The following MGAT1 variants were observed in gnomAD, a reference collection of about 807,000 sequenced individuals.
The protein encoded by MGAT1 is alpha-1,3-mannosyl-glycoprotein 2-beta-N-acetylglucosaminyltransferase.
MGAT1 carries 14 observed loss-of-function variants against 31.7 expected under a neutral mutation model. That is an observed-to-expected ratio of 0.44 (90% CI 0.29 to 0.69). The LOEUF is 0.69. Among genes scored for constraint, MGAT1 ranks in the 30% least tolerant of loss-of-function variants. The pLI, the probability that MGAT1 is intolerant of heterozygous loss-of-function variation, is 0.12. For missense variants in MGAT1, 557 were observed against 626.0 expected (o/e 0.89, Z 1.18); for synonymous variants, 338 against 276.0 (o/e 1.22, Z -2.23).
intron 1 of MGAT1, among the ~76,000 whole-genome samples, chr5:180,799,854 T>C (rs1254168755): frequency 6.6e-6 from 1 of 152,166 alleles, no homozygotes; most frequent in Non-Finnish European, 1.5e-5. Context: ...TTCCACCTGG[T>C]CCTCTTAAGA....
Position 180,814,920 on chromosome 5 carries a change from G to GACAGAGTGAGACTCTGTCTCAA in MGAT1, c.-546+472_-546+493dup, listed in dbSNP as rs1264510057. Among the ~76,000 whole-genome samples, 252 of 148,564 alleles carry GACAGAGTGAGACTCTGTCTCAA rather than the reference G, an allele frequency of 1.7e-3. 2 individuals carry two copies. Among genetic ancestry groups the GACAGAGTGAGACTCTGTCTCAA allele is most frequent in the Non-Finnish European group, 3.3e-3 (222 of 67,402 alleles). ...CGCGCCACTGCACTCCAGCCTAGGC[G>GACAGAGTGAGACTCTGTCTCAA]ACAGAGTGAGACTCTGTCTCAAAAA... On this transcript the variant is annotated intron_variant, in intron 1 of 2. Transcript: ENST00000333055.
Position 180,785,661 on chromosome 5 carries a change from C to T in MGAT1, c.*5973G>A, listed in dbSNP as rs1307150237. 5 of 152,520 alleles carry T rather than the reference C, an allele frequency of 3.3e-5. No homozygotes were observed. Among genetic ancestry groups the T allele is most frequent in the Non-Finnish European group, 5.9e-5 (4 of 68,152 alleles). The allele number at this position is 152,520 out of a possible 1,614,324, so 9.4% of individuals were successfully genotyped here. Reference sequence around the variant, plus strand: ...ATCTAGCAGCCACACAGCCCCATTCCGCTGCCAGCGTCCTGCAGGCCCCTC... The same window carrying T: ...ATCTAGCAGCCACACAGCCCCATTCTGCTGCCAGCGTCCTGCAGGCCCCTC... On this transcript the variant is annotated 3_prime_UTR_variant, in exon 2 of 2. Transcript: ENST00000307826.
upstream of MGAT1, among the ~76,000 whole-genome samples, chr5:180,806,328 C>G (rs930098770): frequency 4.6e-5 from 7 of 152,172 alleles, no homozygotes; most frequent in African/African-American, 1.4e-4. Context: ...TATCACTGCT[C>G]CTGGCTAAGT....
At position 180,792,088 on chromosome 5, in the gene MGAT1, G is replaced by A. The variant is rs1448028839; in HGVS notation, c.884C>T (p.Pro295Leu). 2.5e-6 allele frequency: 4 copies of A among 1,612,686 alleles called. No individual in the cohort carries two copies. The highest frequency in any genetic ancestry group is 1.3e-5 in the African/African-American group (1 of 74,950). ...GCAGGCCCGCCCCTGCCGCTGCTCC[G>A]GCCGCCGCATCCAGTCGTCCCAGAA... is the stretch of plus-strand genomic sequence containing the variant. ...KAFWDDWMRR[P>L]EQRQGRACIR... Residue 295 changes from proline (P) to leucine (L), a missense_variant, in exon 2 of 2, where the codon CCG becomes CTG. By Grantham distance (98) the Pro-to-Leu change is moderately conservative. Transcript: ENST00000307826.
chr5:180,812,500 T>C (rs952499559), intron 1 of MGAT1, among the ~76,000 whole-genome samples: 1 of 152,018 alleles, frequency 6.6e-6, no homozygotes, highest in African/African-American at 2.4e-5. Flanking sequence ...CCCACCCTGC[T>C]GAAAGGAACC....
intron 1 of MGAT1, among the ~76,000 whole-genome samples, chr5:180,814,396 C>T (rs1405506235): frequency 1.3e-5 from 2 of 152,206 alleles, no homozygotes; most frequent in African/African-American, 4.8e-5. Flanking sequence ...CTCTTGACTC[C>T]CACGCCAGCA....
In MGAT1 at chr5:180,790,773, T is replaced by A. The variant is rs1767932887; in HGVS notation, c.*861A>T. Reference sequence around the variant, plus strand: ...ACCTGGTCACTGCTCCACCTCATGCTGAGAGGAGCCTGTGTGTCAAACCCC... The same window carrying A: ...ACCTGGTCACTGCTCCACCTCATGCAGAGAGGAGCCTGTGTGTCAAACCCC... On this transcript the variant is annotated 3_prime_UTR_variant, in exon 2 of 2. Coordinates refer to ENST00000307826, the MANE Select transcript of MGAT1 (RefSeq NM_002406.4). 6.6e-6 allele frequency: 1 copy of A among 152,294 alleles called. No homozygotes were observed. The highest frequency in any genetic ancestry group is 1.5e-5 in the Non-Finnish European group (1 of 68,156). The allele number at this position is 152,294 out of a possible 1,614,324, so 9.4% of individuals were successfully genotyped here. A position where few individuals can be genotyped will look rare whatever the true frequency, so the allele number is the denominator to read the frequency against.
At chr5:180,804,624 C>T (rs1002117200), upstream of MGAT1, among the ~76,000 whole-genome samples, 1 of 152,190 alleles carries the variant, frequency 6.6e-6, no homozygotes, top group Admixed American at 6.5e-5. Flanking sequence ...CCTGGGGGCT[C>T]TGCACACTCA....
At chr5:180,810,406 A>C (rs2626815) in intron 1 of MGAT1, 9,000 of 152,674 alleles carry the variant, frequency 0.059, 607 homozygotes, top group African/African-American at 0.16. Flanking sequence ...GTGAGAAGGA[A>C]GCCGGGCGCA....
chr5:180,808,667 T>C (rs1466527817), exon 2 of MGAT1: 1 of 152,276 alleles, frequency 6.6e-6, no homozygotes, highest in Non-Finnish European at 1.5e-5. Flanking sequence ...CTTGTCTCAG[T>C]TGCTCTCCAG....
chr5:180,795,310 C>CAT, intron 1 of MGAT1: 3 of 151,390 alleles, frequency 2.0e-5, no homozygotes. Context: ...CACACACACA[C>CAT]ATATATGTCA....
chr5:180,811,661 C>T (rs1262659689), intron 1 of MGAT1, among the ~76,000 whole-genome samples: 3 of 152,162 alleles, frequency 2.0e-5, no homozygotes, highest in Admixed American at 6.5e-5. Context: ...TCTCCCTGCC[C>T]TCCCTACCCT....
intron 1 of MGAT1, chr5:180,810,727 AC>A (rs1006244871): frequency 6.7e-6 from 1 of 148,688 alleles, no homozygotes; most frequent in Non-Finnish European, 1.5e-5. Context: ...TTCGGAAAGC[AC>A]CGGGGCCTGT....
intron 1 of MGAT1, among the ~76,000 whole-genome samples, chr5:180,815,173 C>T (rs1772798267): frequency 2.0e-5 from 3 of 151,966 alleles, no homozygotes; most frequent in Non-Finnish European, 4.4e-5. Flanking sequence ...GGTCTCTCTT[C>T]CTCTCTTATA....
At chr5:180,799,472 C>T (rs1426768963) in intron 1 of MGAT1, among the ~76,000 whole-genome samples, 1 of 152,142 alleles carries the variant, frequency 6.6e-6, no homozygotes, top group Non-Finnish European at 1.5e-5. Context: ...GACTACACTC[C>T]CACAGCACTC....
rs777088200 is a variant in MGAT1 at position 180,792,739 on chromosome 5, G to A, written c.233C>T (p.Ala78Val). The A allele has an allele frequency of 2.6e-6, 4 of 1,547,280 alleles. No homozygotes were observed. Among genetic ancestry groups the A allele is most frequent in the South Asian group, 1.2e-5 (1 of 83,890 alleles). ...QRGLLQQIGD[A>V]LSSQRGRVPT... Reference sequence around the variant, plus strand: ...CACCCTCCCCCGCTGGCTCGACAGGGCATCCCCGATCTGCTGCAGCAGCCC... The same window carrying A: ...CACCCTCCCCCGCTGGCTCGACAGGACATCCCCGATCTGCTGCAGCAGCCC... Residue 78 changes from alanine (A) to valine (V), a missense_variant, in exon 2 of 2, where the codon GCC becomes GTC. Ala to Val is a moderately conservative substitution (Grantham distance 64, BLOSUM62 0). Around this residue, in one of 3 missense-constraint regions of MGAT1, gnomAD observed 167 missense variants for 149.8 expected, o/e 1.11. Transcript: ENST00000307826.
At chr5:180,795,583 CAT>C (rs913457742) in intron 1 of MGAT1, 1 of 152,146 alleles carries the variant, frequency 6.6e-6, no homozygotes, top group Non-Finnish European at 1.5e-5. Context: ...ACTCTGCACA[CAT>C]AGAGAGCAAA....
Position 180,784,784 on chromosome 5 carries a change from A to T in MGAT1, c.*6850T>A, listed in dbSNP as rs1767464494. On this transcript the variant is annotated 3_prime_UTR_variant, in exon 2 of 2. Coordinates refer to ENST00000307826, the MANE Select transcript of MGAT1 (RefSeq NM_002406.4). ...GATAGTTAATCTGGGCAGGGCGGTT[A>T]TGTATGAATTTTATTTTCCTTTTAT... 6.6e-6 allele frequency: 1 copy of T among 152,232 alleles called. No individual in the cohort carries two copies. The highest frequency in any genetic ancestry group is 2.1e-4 in the South Asian group (1 of 4,826). The allele number at this position is 152,232 out of a possible 1,614,324, so 9.4% of individuals were successfully genotyped here.
At chr5:180,808,231 C>A (rs1009071196) in intron 2 of MGAT1, among the ~76,000 whole-genome samples, 3 of 152,192 alleles carry the variant, frequency 2.0e-5, no homozygotes, top group Non-Finnish European at 4.4e-5. Context: ...CGCCTTCTCC[C>A]CCCACCAGCA....
Sources: gnomAD v4.1 joint callset for allele counts (sites outside exome capture counted in the v4.1 genomes callset) on GRCh38, gnomAD v4.1.1 for gene constraint, gnomAD v4.1.1 regional missense constraint, MANE v1.5 for transcripts, NCBI Gene and HGNC (gene_info 2026-07-23, HGNC 2026-07-21) for gene names.